Variants in GCHFR observed in about 807,000 individuals in gnomAD.
The protein encoded by GCHFR is GTP cyclohydrolase 1 feedback regulatory protein.
A neutral mutation model predicts 10.6 loss-of-function variants in GCHFR; 12 were observed. That is an observed-to-expected ratio of 1.13 (90% confidence interval 0.72 to 1.83). The LOEUF (loss-of-function observed/expected upper bound fraction) is 1.83. GCHFR is among the 40% of genes most tolerant of loss of function. The pLI, the probability that GCHFR is intolerant of heterozygous loss-of-function variation, is 0.00. For missense variants in GCHFR, 116 were observed against 110.6 expected, an observed-to-expected ratio of 1.05 and a Z score of -0.22; for synonymous variants, 54 against 43.7, an observed-to-expected ratio of 1.24 and a Z score of -0.93.
chr15:40,764,135 T>C lies in GCHFR; in HGVS notation c.-46T>C. 1 of 1,526,454 alleles carries C rather than the reference T, an allele frequency of 6.6e-7. No homozygotes were observed. The highest frequency in any genetic ancestry group is 8.8e-7 in the Non-Finnish European group (1 of 1,136,098). 94.6% of individuals were successfully genotyped at this position (1,526,454 alleles called of 1,614,324 possible). A position where few individuals can be genotyped will look rare whatever the true frequency, so the allele number is the denominator to read the frequency against. On this transcript the variant is annotated 5_prime_UTR_variant, in exon 1 of 3. Coordinates refer to ENST00000260447, the MANE Select transcript of GCHFR (RefSeq NM_005258.3). Reference sequence around the variant, plus strand: ...GACGCGAGAAGGGCTGGAGTCGGCGTCCAGCCTAGAGCCCCCGGTGGGAGC... The same window carrying C: ...GACGCGAGAAGGGCTGGAGTCGGCGCCCAGCCTAGAGCCCCCGGTGGGAGC...
chr15:40,764,088 C>G lies in GCHFR; in HGVS notation c.-93C>G. ...TGGCCAGAGCCGGAGTAACGGGACT[C>G]CCAGCTGCGCGTCGCAGTCCCGACG... On this transcript the variant is annotated 5_prime_UTR_variant, in exon 1 of 3. Coordinates refer to ENST00000260447, the MANE Select transcript of GCHFR (RefSeq NM_005258.3). 1 of 1,267,762 alleles carries G rather than the reference C, an allele frequency of 7.9e-7. No homozygotes were observed. The highest frequency in any genetic ancestry group is 1.3e-5 in the South Asian group (1 of 74,776). 78.5% of individuals were successfully genotyped at this position (1,267,762 alleles called of 1,614,324 possible).
At chr15:40,767,189 T>C (rs2301176) in intron 2 of GCHFR, 37 bp from the exon 3 acceptor site, 63,269 of 1,457,468 alleles carry the variant, frequency 0.043, 1,869 homozygotes, top group African/African-American at 0.14. Flanking sequence ...GCTTGCTGTG[T>C]GCCCCTCCTC....
Position 40,767,455 on chromosome 15 carries a change from A to C in GCHFR, c.*106A>C. 7.8e-7 allele frequency: 1 copy of C among 1,282,974 alleles called. No individual in the cohort carries two copies. Among genetic ancestry groups the C allele is most frequent in the Non-Finnish European group, 1.1e-6 (1 of 946,534 alleles). 79.5% of individuals were successfully genotyped at this position (1,282,974 alleles called of 1,614,324 possible). On this transcript the variant is annotated 3_prime_UTR_variant, in exon 3 of 3. Transcript: ENST00000260447. ...GTCTGCCTTGCTCCTCTCTTCCCAA[A>C]TCATCACCGCCATGGGCCCAGCCCC...
intron 1 of GCHFR, 114 bp downstream of exon 1, chr15:40,764,330 G>A (rs907598129): frequency 2.5e-5 from 21 of 828,854 alleles, no homozygotes; most frequent in Middle Eastern, 3.2e-4. Flanking sequence ...CCGGGAACCC[G>A]CCCAGACACG....
At chr15:40,765,995 C>A in intron 2 of GCHFR, 74 bp downstream of exon 2, 2 of 689,244 alleles carry the variant, frequency 2.9e-6, no homozygotes, top group South Asian at 4.4e-5. Flanking sequence ...TATACAACCT[C>A]CAAGCCCAGG....
In GCHFR at chr15:40,767,315, G is replaced by T; in HGVS notation, c.221G>T (p.Gly74Val). 1 of 1,603,502 alleles carries T rather than the reference G, an allele frequency of 6.2e-7. No individual in the cohort carries two copies. Among genetic ancestry groups the T allele is most frequent in the Non-Finnish European group, 8.5e-7 (1 of 1,175,376 alleles). ...GFRVLSMTGV[G>V]QTLVWCLHKE ...CGTGTGCTGAGCATGACGGGGGTGG[G>T]CCAGACGCTGGTGTGGTGTCTGCAC... Residue 74 changes from glycine to valine, a missense_variant, in exon 3 of 3, where the codon GGC becomes GTC. By Grantham distance (109) the Gly-to-Val change is moderately radical. Transcript: ENST00000260447.
rs1238828208 is a variant in GCHFR, at chr15:40,765,925, A to G, written c.131+4A>G. On this transcript the variant is annotated splice_donor_region_variant and intron_variant, in intron 2 of 2. Coordinates refer to ENST00000260447, the MANE Select transcript of GCHFR (RefSeq NM_005258.3). ...GAAGAGCCTTGGGAAACAACTTGTA[A>G]GTAGCAGCCTCCCTCAGTATCCTCT... 1.3e-6 allele frequency: 2 copies of G among 1,495,874 alleles called. No individual in the cohort carries two copies. The highest frequency in any genetic ancestry group is 1.8e-6 in the Non-Finnish European group (2 of 1,085,134). 92.7% of individuals were successfully genotyped at this position (1,495,874 alleles called of 1,614,324 possible).
rs538786189 is a variant in GCHFR, at chr15:40,767,510, C to A, written c.*161C>A. 3.8e-4 allele frequency: 312 copies of A among 825,808 alleles called. 1 individual carries two copies. In the African/African-American group the frequency reaches 5.2e-3, roughly 14 times the overall value. 51.2% of individuals were successfully genotyped at this position (825,808 alleles called of 1,614,324 possible). On this transcript the variant is annotated 3_prime_UTR_variant, in exon 3 of 3. Transcript: ENST00000260447. ...GGCAGTGAATGGCCTTCTCTGAAAC[C>A]CTGCGTCAAGCAGTGGGAGAGGGCA... is the stretch of plus-strand genomic sequence containing the variant.
intron 2 of GCHFR, 26 bp from the exon 3 acceptor site, chr15:40,767,200 A>G (rs1173160897): frequency 3.4e-6 from 5 of 1,457,654 alleles, no homozygotes; most frequent in Non-Finnish European, 4.5e-6. Flanking sequence ...GCCCCTCCTC[A>G]CCCCCCCCAT....
rs1364152311 is a variant in GCHFR, at chr15:40,764,153, G to C, written c.-28G>C. ...GTCGGCGTCCAGCCTAGAGCCCCCGGTGGGAGCCAGGCCGGGACGCGTGCA... is the reference window on the plus strand; with the variant it reads ...GTCGGCGTCCAGCCTAGAGCCCCCGCTGGGAGCCAGGCCGGGACGCGTGCA... On this transcript the variant is annotated 5_prime_UTR_variant, in exon 1 of 3. Coordinates refer to ENST00000260447, the MANE Select transcript of GCHFR (RefSeq NM_005258.3). 1 of 1,543,280 alleles carries C rather than the reference G, an allele frequency of 6.5e-7. No homozygotes were observed.
Position 40,764,221 on chromosome 15 carries a change from G to A in GCHFR, c.36+5G>A. 6.4e-7 allele frequency: 1 copy of A among 1,553,138 alleles called. No individual in the cohort carries two copies. Among genetic ancestry groups the A allele is most frequent in the Non-Finnish European group, 8.7e-7 (1 of 1,149,182 alleles). On this transcript the variant is annotated splice_donor_5th_base_variant and intron_variant, in intron 1 of 2. Transcript: ENST00000260447. ...ATCAGCACCCAGATCCGCATGGTGA[G>A]TACCGGCCGCCTGGCGACTTGGAGC...
At chr15:40,766,014 C>G (rs1373860483) in intron 2 of GCHFR, 93 bp downstream of exon 2, 5 of 560,918 alleles carry the variant, frequency 8.9e-6, no homozygotes, top group African/African-American at 7.7e-5. Context: ...GGGACAGGGC[C>G]CAGCATCAGA....
chr15:40,766,698 TG>T (rs1452117713), intron 2 of GCHFR: 1 of 152,354 alleles, frequency 6.6e-6, no homozygotes, highest in African/African-American at 2.4e-5. Flanking sequence ...TGCTAGGGAG[TG>T]GCGCACAGAG....
At chr15:40,766,111 G>A in intron 2 of GCHFR, 190 bp downstream of exon 2, 1 of 423,946 alleles carries the variant, frequency 2.4e-6, no homozygotes, top group Non-Finnish European at 4.3e-6. Context: ...TCCCCCACGA[G>A]GCTTGCTCTG....
Position 40,767,206 on chromosome 15 carries a change from C to A in GCHFR, c.132-20C>A, listed in dbSNP as rs755145154. ...TTGCTGTGTGCCCCTCCTCACCCCC[C>A]CCATCCTGTCTCTTTGCAGTTATGA... On this transcript the variant is annotated intron_variant, in intron 2 of 2. Coordinates refer to ENST00000260447, the MANE Select transcript of GCHFR (RefSeq NM_005258.3). 7 of 1,486,708 alleles carry A rather than the reference C, an allele frequency of 4.7e-6. No individual in the cohort carries two copies. The Admixed American group carries it at 7.0e-5, about 15-fold the overall frequency. The allele number at this position is 1,486,708 out of a possible 1,614,324, so 92.1% of individuals were successfully genotyped here. A position where few individuals can be genotyped will look rare whatever the true frequency, so the allele number is the denominator to read the frequency against.
At chr15:40,765,805 GC>G in intron 1 of GCHFR, 21 bp from the exon 2 acceptor site, 1 of 1,375,618 alleles carries the variant, frequency 7.3e-7, no homozygotes, top group African/African-American at 1.4e-5. Context: ...CAGCCAAGCA[GC>G]CACTGTGGCT....
At chr15:40,765,630 C>T (rs775717595) in intron 1 of GCHFR, 197 bp from the exon 2 acceptor site, 4 of 385,220 alleles carry the variant, frequency 1.0e-5, no homozygotes, top group South Asian at 9.9e-5. Flanking sequence ...CTAGGGAGGG[C>T]GCCTACATTG....
Position 40,764,263 on chromosome 15 carries a change from G to A in GCHFR, c.36+47G>A, listed in dbSNP as rs757485633. ...ACTTGGAGCCGGGACCAGGCCCTAG[G>A]GGGCTGCGACTGCACCTTCATGCCT... On this transcript the variant is annotated intron_variant, in intron 1 of 2. Coordinates refer to ENST00000260447, the MANE Select transcript of GCHFR (RefSeq NM_005258.3). The A allele has an allele frequency of 2.0e-5, 31 of 1,514,500 alleles. No homozygotes were observed. The African/African-American group carries it at 3.1e-4, about 15-fold the overall frequency. 93.8% of individuals were successfully genotyped at this position (1,514,500 alleles called of 1,614,324 possible). A position where few individuals can be genotyped will look rare whatever the true frequency, so the allele number is the denominator to read the frequency against.
rs1166352184 is a variant in GCHFR at position 40,764,104 on chromosome 15, A to C, written c.-77A>C. On this transcript the variant is annotated 5_prime_UTR_variant, in exon 1 of 3. Transcript: ENST00000260447. ...AACGGGACTCCCAGCTGCGCGTCGC[A>C]GTCCCGACGCGAGAAGGGCTGGAGT... The C allele has an allele frequency of 7.3e-7, 1 of 1,372,026 alleles. No individual in the cohort carries two copies. Among genetic ancestry groups the C allele is most frequent in the African/African-American group, 1.5e-5 (1 of 67,282 alleles). 85.0% of individuals were successfully genotyped at this position (1,372,026 alleles called of 1,614,324 possible).
Sources: allele counts gnomAD v4.1 joint callset, GRCh38; gene constraint gnomAD v4.1.1; transcripts MANE v1.5; gene names NCBI Gene and HGNC (gene_info 2026-07-23, HGNC 2026-07-21).